Variants in LAMA5 observed in about 807,000 individuals in gnomAD.
LAMA5 encodes the protein laminin subunit alpha 5.
A neutral mutation model predicts 433.4 loss-of-function variants in LAMA5; 260 were observed. The ratio of observed to expected loss-of-function variants is 0.60; its 90% confidence interval spans 0.54 to 0.66. The LOEUF (loss-of-function observed/expected upper bound fraction) is 0.66, where lower values mean the gene tolerates loss of function less well. LAMA5 is among the 30% of genes least tolerant of loss of function. The pLI, the probability that LAMA5 is intolerant of heterozygous loss-of-function variation, is 0.00. For synonymous variants in LAMA5, 2,620 were observed against 2,226.6 expected, an observed-to-expected ratio of 1.18 and a Z score of -4.97; for missense variants, 5,378 against 5,258.5, an observed-to-expected ratio of 1.02 and a Z score of -0.70.
intron 16 of LAMA5, among the ~76,000 whole-genome samples, chr20:62,337,147 A>C (rs1210370838): frequency 6.6e-6 from 1 of 152,230 alleles, no homozygotes; most frequent in East Asian, 1.9e-4. Flanking sequence ...GGACATGAAC[A>C]CGCACACCCA....
At chr20:62,320,317 TCA>T (rs1879155785) in intron 50 of LAMA5, among the ~76,000 whole-genome samples, 1 of 22,194 alleles carries the variant, frequency 4.5e-5, no homozygotes, top group Middle Eastern at 0.029. Context: ...AAACTGTGTC[TCA>T]AAAAAAAAAA....
At chr20:62,366,546 A>G (rs1050414164) in intron 1 of LAMA5, among the ~76,000 whole-genome samples, 5 of 152,206 alleles carry the variant, frequency 3.3e-5, no homozygotes, top group Admixed American at 2.6e-4. Context: ...CCAGAGGCCA[A>G]CAGGTTCCAG....
rs778839989 is a variant in LAMA5 at position 62,309,726 on chromosome 20, C to A, written c.10938G>T (p.Gly3646=). ...CAAGGCCGCACTCACCAGGCAGGCC[C>A]CCGAGGTACAGAGGGGCTGGGGCAC... is the stretch of plus-strand genomic sequence containing the variant. ...AAGAPAPLYL[G]GLPEPMAVQP... The change falls in exon 79 of 80, where the codon GGG becomes GGT. Residue 3646 remains glycine, a synonymous_variant. Transcript: ENST00000252999. 5.6e-6 allele frequency: 9 copies of A among 1,597,564 alleles called. No individual in the cohort carries two copies. Among genetic ancestry groups the A allele is most frequent in the Non-Finnish European group, 7.7e-6 (9 of 1,174,782 alleles).
chr20:62,313,667 C>T lies in LAMA5; in HGVS notation c.8640G>A (p.Gly2880=), dbSNP rs745829694. 1.2e-6 allele frequency: 2 copies of T among 1,612,436 alleles called. No homozygotes were observed. Among genetic ancestry groups the T allele is most frequent in the South Asian group, 2.2e-5 (2 of 91,066 alleles). The change falls in exon 63 of 80, where the codon GGG becomes GGA. Residue 2880 remains glycine, a synonymous_variant. Coordinates refer to ENST00000252999, the MANE Select transcript of LAMA5 (RefSeq NM_005560.6). ...GGCTCACCGTGAAGGTACTGGGGTA[C>T]CCCCCGACGTAGAAGACGAAGTCGT... The part of the protein sequence containing the change: ...RPDDFVFYVG[G]YPSTFTPPPL...
chr20:62,319,856 A>AGGGCCTG, intron 50 of LAMA5, 61 bp from the exon 51 acceptor site: 2 of 1,370,530 alleles, frequency 1.5e-6, no homozygotes, highest in African/African-American at 1.4e-5. Flanking sequence ...GTGGCAAGGG[A>AGGGCCTG]GGGCCTGGGG....
Position 62,309,797 on chromosome 20 carries a change from C to T in LAMA5, c.10867G>A (p.Ala3623Thr), listed in dbSNP as rs200525579. 366 of 1,610,490 alleles carry T rather than the reference C, an allele frequency of 2.3e-4. 1 individual carries two copies. Among genetic ancestry groups the T allele is most frequent in the Middle Eastern group, 1.8e-3 (11 of 6,034 alleles). Residue 3623 changes from alanine (A) to threonine (T), a missense_variant, in exon 79 of 80, where the codon GCG becomes ACG. Transcript: ENST00000252999. ...GGGCCCACGGTGTGGTTGCTCTGCG[C>T]GTCCACCTCCAGCCGGAGCACATTC... is the stretch of plus-strand genomic sequence containing the variant. ...SGNVLRLEVD[A>T]QSNHTVGPLL...
chr20:62,361,590 G>A (rs1298806624), intron 2 of LAMA5, among the ~76,000 whole-genome samples: 2 of 152,252 alleles, frequency 1.3e-5, no homozygotes, highest in East Asian at 3.8e-4. Flanking sequence ...GACTGGGGCA[G>A]CGGCGGAGCC....
chr20:62,316,377 C>A, intron 57 of LAMA5: 1 of 539,082 alleles, frequency 1.9e-6, no homozygotes, highest in Non-Finnish European at 3.3e-6. Flanking sequence ...ACGCGTGTAG[C>A]CCTCGGGTCA....
Position 62,335,083 on chromosome 20 carries a change from G to A in LAMA5, c.2420C>T (p.Ala807Val). 6.2e-7 allele frequency: 1 copy of A among 1,613,054 alleles called. No homozygotes were observed. The highest frequency in any genetic ancestry group is 8.5e-7 in the Non-Finnish European group (1 of 1,179,724). The change falls in exon 20 of 80, where the codon GCC (alanine) becomes GTC (valine). Residue 807 changes from alanine to valine, a missense_variant. By Grantham distance (64) the Ala-to-Val change is moderately conservative (BLOSUM62 0). Transcript: ENST00000252999. Reference sequence around the variant, plus strand: ...GAAGCCATCCTTGCAGGACGCGCAGGCCTGGCCGCACACGTGGGGCTTGCA... The same window carrying A: ...GAAGCCATCCTTGCAGGACGCGCAGACCTGGCCGCACACGTGGGGCTTGCA... ...CFCKPHVCGQ[A>V]CASCKDGFFG...
At chr20:62,315,350 G>A in intron 58 of LAMA5, 143 bp from the exon 59 acceptor site, 3 of 709,858 alleles carry the variant, frequency 4.2e-6, no homozygotes, top group Non-Finnish European at 6.8e-6. Context: ...GCTGCTCAGT[G>A]CAATCCAAAC....
rs1167081111 is a variant in LAMA5 at position 62,326,980 on chromosome 20, A to G, written c.5113-14T>C. 13 of 1,573,272 alleles carry G rather than the reference A, an allele frequency of 8.3e-6. No homozygotes were observed. The highest frequency in any genetic ancestry group is 1.0e-5 in the Non-Finnish European group (12 of 1,148,756). On this transcript the variant is annotated splice_polypyrimidine_tract_variant and intron_variant, in intron 38 of 79. Coordinates refer to ENST00000252999, the MANE Select transcript of LAMA5 (RefSeq NM_005560.6). ...GTAGGATGACACCTGGAGGCAGGAC[A>G]GACAGAGGTGACCTGGCCAGACTCT...
At position 62,309,354 on chromosome 20, in the gene LAMA5, A is replaced by G. The variant is rs1346780292; in HGVS notation, c.11070T>C (p.Ser3690=). 6.3e-7 allele frequency: 1 copy of G among 1,590,168 alleles called. No homozygotes were observed. The highest frequency in any genetic ancestry group is 8.5e-7 in the Non-Finnish European group (1 of 1,176,524). The change falls in exon 80 of 80, where the codon AGT becomes AGC. Residue 3690 remains serine, a synonymous_variant. Transcript: ENST00000252999. ...CTGTGTCCTAGGCGGCTGGGCAGCC[A>G]CTGGCCCCCACTGCCCCGTGGACCT... The part of the protein sequence containing the change: ...SVEVHGAVGA[S]GCPAA
chr20:62,334,627 G>C lies in LAMA5; in HGVS notation c.2483-6C>G. The C allele has an allele frequency of 6.5e-7, 1 of 1,543,990 alleles. No homozygotes were observed. The highest frequency in any genetic ancestry group is 1.2e-5 in the South Asian group (1 of 83,964). ...GCCAATGTCACACCGGCAGCCTGCA[G>C]GGAGAAGGTGGGAGGTCAGAGGCTG... On this transcript the variant is annotated splice_region_variant and splice_polypyrimidine_tract_variant and intron_variant, in intron 20 of 79. Coordinates refer to ENST00000252999, the MANE Select transcript of LAMA5 (RefSeq NM_005560.6).
intron 75 of LAMA5, 38 bp from the exon 76 acceptor site, chr20:62,310,610 C>CAGCT (rs1986144408): frequency 2.5e-6 from 4 of 1,579,094 alleles, no homozygotes; most frequent in Non-Finnish European, 3.4e-6. Flanking sequence ...GGGCCCAGGG[C>CAGCT]AGCTGAAAGG....
chr20:62,331,291 GGGGTGT>G (rs1980401932), intron 28 of LAMA5, among the ~76,000 whole-genome samples, 162 bp from the exon 29 acceptor site: 1 of 70,802 alleles, frequency 1.4e-5, no homozygotes, highest in Admixed American at 1.4e-4. Context: ...GTACGATGGG[GGGGTGT>G]AGGCGGTACG....
intron 48 of LAMA5, 67 bp from the exon 49 acceptor site, chr20:62,320,957 G>A (rs1568916504): frequency 2.0e-6 from 3 of 1,528,254 alleles, no homozygotes; most frequent in Non-Finnish European, 2.7e-6. Flanking sequence ...ATCAGCTGGG[G>A]CCCTGGGGTC....
chr20:62,358,073 A>G lies in LAMA5; in HGVS notation c.450+4327T>C, dbSNP rs182056493. Among the ~76,000 whole-genome samples, 483 of 152,050 alleles carry G rather than the reference A, an allele frequency of 3.2e-3. 3 individuals are homozygous for G. Among genetic ancestry groups the G allele is most frequent in the African/African-American group, 0.011 (470 of 41,454 alleles). ...TGTTTAGAAACAGACAGAAAACAGG[A>G]AGCCTTTGGGGACCACCAGGGCCTG... On this transcript the variant is annotated intron_variant, in intron 2 of 79. Coordinates refer to ENST00000252999, the MANE Select transcript of LAMA5 (RefSeq NM_005560.6).
rs199705213 is a variant in LAMA5 at position 62,330,924 on chromosome 20, C to T, written c.3671G>A (p.Arg1224His). 22 of 1,550,082 alleles carry T rather than the reference C, an allele frequency of 1.4e-5. 2 individuals are homozygous for T. The highest frequency in any genetic ancestry group is 1.7e-4 in the Middle Eastern group (1 of 5,976). The change falls in exon 30 of 80, where the codon CGC becomes CAC. Residue 1224 changes from arginine to histidine, a missense_variant. Coordinates refer to ENST00000252999, the MANE Select transcript of LAMA5 (RefSeq NM_005560.6). ...GATGGGCTGGGGCGGCTTTGGGAAGCGCGAGGGCAGACAGGCGGCACTGGT... is the reference window on the plus strand; with the variant it reads ...GATGGGCTGGGGCGGCTTTGGGAAGTGCGAGGGCAGACAGGCGGCACTGGT... Reference protein sequence around the residue: ...GPNSAACLPSRFPKPPQPIIL... With the variant: ...GPNSAACLPSHFPKPPQPIIL...
intron 28 of LAMA5, 70 bp from the exon 29 acceptor site, chr20:62,331,199 T>TGGGCGGGTGCAGGTGGTACGATG: frequency 4.6e-6 from 1 of 215,408 alleles, no homozygotes; most frequent in Admixed American, 1.8e-4. Flanking sequence ...GGCGGTACGA[T>TGGGCGGGTGCAGGTGGTACGATG]GGGGGGGTGC....
Sources: allele counts gnomAD v4.1 joint callset (sites outside exome capture counted in the v4.1 genomes callset), GRCh38; gene constraint gnomAD v4.1.1; transcripts MANE v1.5; gene names NCBI Gene and HGNC (gene_info 2026-07-23, HGNC 2026-07-21).